The following CCDC60 variants were observed in gnomAD, a reference collection of about 807,000 sequenced individuals.
CCDC60 encodes coiled-coil domain-containing protein 60.
In CCDC60, 54 loss-of-function variants were observed where a neutral mutation model predicts 63.5. The observed-to-expected ratio is 0.85, with a 90% CI of 0.68 to 1.07. CCDC60 has a LOEUF of 1.07. CCDC60 is among the 50% of genes least tolerant of loss of function. CCDC60 has a pLI of 0.00. For synonymous variants in CCDC60, 206 were observed against 238.8 expected (o/e 0.86, Z 1.27); for missense variants, 651 against 684.3 (o/e 0.95, Z 0.54).
chr12:119,356,734 A>G (rs1311311903), intron 1 of CCDC60, among the ~76,000 whole-genome samples: 1 of 152,226 alleles, frequency 6.6e-6, no homozygotes, highest in African/African-American at 2.4e-5. Flanking sequence ...GTTTCACTTC[A>G]GGTTTGCAAC....
intron 2 of CCDC60, among the ~76,000 whole-genome samples, chr12:119,457,261 G>C (rs1950765716): frequency 6.6e-6 from 1 of 152,192 alleles, no homozygotes; most frequent in Non-Finnish European, 1.5e-5. Context: ...CCTCCACTGA[G>C]AGTCAAATTT....
intron 2 of CCDC60, among the ~76,000 whole-genome samples, chr12:119,461,986 A>G (rs1173846334): frequency 1.3e-5 from 2 of 152,146 alleles, no homozygotes; most frequent in Non-Finnish European, 2.9e-5. Flanking sequence ...CCCAGAATAG[A>G]CTGGTGTGTC....
At chr12:119,519,401 ATGTGTGTGTGTGTG>A (rs141127258) in intron 8 of CCDC60, among the ~76,000 whole-genome samples, 1,724 of 136,472 alleles carry the variant, frequency 0.013, 34 homozygotes, top group African/African-American at 0.045. Flanking sequence ...AGTGATATAT[ATGTGTGTGTGTGTG>A]TGTGTGTGTG....
chr12:119,357,105 C>G (rs1955725968), intron 1 of CCDC60, among the ~76,000 whole-genome samples: 1 of 151,894 alleles, frequency 6.6e-6, no homozygotes, highest in Non-Finnish European at 1.5e-5. Context: ...GAGATGGGGG[C>G]CTTTTTTATT....
chr12:119,353,081 A>T (rs1485154152), intron 1 of CCDC60, among the ~76,000 whole-genome samples: 1 of 152,020 alleles, frequency 6.6e-6, no homozygotes, highest in Non-Finnish European at 1.5e-5. Flanking sequence ...AGTGGGGGTG[A>T]GGGGGTTATG....
intron 1 of CCDC60, among the ~76,000 whole-genome samples, chr12:119,348,341 C>G (rs1955618899): frequency 6.6e-6 from 1 of 152,148 alleles, no homozygotes; most frequent in Admixed American, 6.5e-5. Flanking sequence ...GCCTCCTCAC[C>G]TTTTCACTTC....
rs139079166 is a variant in CCDC60, at chr12:119,472,160, T to C, written c.337T>C (p.Leu113=). 95 of 1,613,818 alleles carry C rather than the reference T, an allele frequency of 5.9e-5. No homozygotes were observed. The African/African-American group carries it at 1.1e-3, about 18-fold the overall frequency. The change falls in exon 3 of 14, where the codon TTG becomes CTG. Residue 113 remains leucine (L), a synonymous_variant. Transcript: ENST00000327554. ...AGAAATCCACTATGGGGACACCTTA[T>C]TGAGGTAAGTGGATGCAGTAGCTGT... ...ISEIHYGDTL[L]STYDDEKLKT...
chr12:119,379,402 T>G (rs967214067), intron 1 of CCDC60, among the ~76,000 whole-genome samples: 1 of 152,206 alleles, frequency 6.6e-6, no homozygotes, highest in Non-Finnish European at 1.5e-5. Context: ...TGGGCAGCCT[T>G]ACTGCCATCC....
chr12:119,409,413 C>T (rs1305773809), intron 1 of CCDC60, among the ~76,000 whole-genome samples: 3 of 151,944 alleles, frequency 2.0e-5, no homozygotes, highest in Admixed American at 6.6e-5. Flanking sequence ...GTTGTGACAG[C>T]CAAAAAGAAC....
chr12:119,439,023 C>T (rs1363953750), intron 2 of CCDC60, among the ~76,000 whole-genome samples: 1 of 152,050 alleles, frequency 6.6e-6, no homozygotes, highest in Non-Finnish European at 1.5e-5. Flanking sequence ...GGACATCACT[C>T]CAGCATCTTC....
intron 1 of CCDC60, among the ~76,000 whole-genome samples, chr12:119,423,912 G>T (rs898532102): frequency 1.9e-4 from 29 of 152,068 alleles, no homozygotes; most frequent in Non-Finnish European, 3.7e-4. Flanking sequence ...ATTTAAATTG[G>T]CATTAAACAT....
At chr12:119,521,601 G>T (rs1025525220) in intron 9 of CCDC60, among the ~76,000 whole-genome samples, 8 of 152,108 alleles carry the variant, frequency 5.3e-5, no homozygotes, top group African/African-American at 1.9e-4. Flanking sequence ...TAGGCTCAGG[G>T]GCTCCAAGCA....
chr12:119,475,999 A>T (rs1232771489), intron 3 of CCDC60, among the ~76,000 whole-genome samples: 1 of 152,238 alleles, frequency 6.6e-6, no homozygotes, highest in Non-Finnish European at 1.5e-5. Context: ...AGTATAAAAA[A>T]TACAAGTTTC....
intron 1 of CCDC60, among the ~76,000 whole-genome samples, chr12:119,399,097 A>G (rs1843045120): frequency 6.6e-6 from 1 of 152,100 alleles, no homozygotes; most frequent in African/African-American, 2.4e-5. Context: ...AACTATGGAG[A>G]AAAAAAATAT....
chr12:119,437,356 G>A (rs568548798), intron 2 of CCDC60, among the ~76,000 whole-genome samples: 40 of 152,220 alleles, frequency 2.6e-4, no homozygotes, highest in African/African-American at 7.5e-4. Context: ...TCTTTTATTC[G>A]AACCCAGATT....
chr12:119,514,342 A>AT (rs34264020), intron 7 of CCDC60, among the ~76,000 whole-genome samples: 12,671 of 127,234 alleles, frequency 0.1, 720 homozygotes, highest in Admixed American at 0.15. Flanking sequence ...ACATCTGGCT[A>AT]TTTTTTTTTT....
chr12:119,531,141 A>C, intron 13 of CCDC60, 78 bp downstream of exon 13: 3 of 1,291,026 alleles, frequency 2.3e-6, no homozygotes, highest in Non-Finnish European at 3.3e-6. Context: ...GGCACTGTTT[A>C]AGTGCTGGGG....
intron 5 of CCDC60, among the ~76,000 whole-genome samples, chr12:119,494,320 G>A (rs1951668068): frequency 6.6e-6 from 1 of 152,196 alleles, no homozygotes; most frequent in South Asian, 2.1e-4. Flanking sequence ...AGAAGGGAGT[G>A]AAGAGTTACC....
chr12:119,472,164 G>C lies in CCDC60; in HGVS notation c.341G>C (p.Ser114Thr). The C allele has an allele frequency of 2.5e-6, 4 of 1,613,582 alleles. No homozygotes were observed. Among genetic ancestry groups the C allele is most frequent in the Non-Finnish European group, 3.4e-6 (4 of 1,179,772 alleles). Reference sequence around the variant, plus strand: ...ATCCACTATGGGGACACCTTATTGAGGTAAGTGGATGCAGTAGCTGTGGCA... The same window carrying C: ...ATCCACTATGGGGACACCTTATTGACGTAAGTGGATGCAGTAGCTGTGGCA... ...SEIHYGDTLL[S>T]TYDDEKLKTL... The change falls in exon 3 of 14, where the codon AGC becomes ACC. Residue 114 changes from serine (S) to threonine (T), a missense_variant and splice_region_variant. Transcript: ENST00000327554.
Sources: gnomAD v4.1 joint callset for allele counts (sites outside exome capture counted in the v4.1 genomes callset) on GRCh38, gnomAD v4.1.1 for gene constraint, MANE v1.5 for transcripts, NCBI Gene and HGNC (gene_info 2026-07-23, HGNC 2026-07-21) for gene names.